FAM193A: variants seen among roughly 807,000 people sequenced by gnomAD.
FAM193A encodes the protein family with sequence similarity 193 member A.
Under a neutral mutation model 126.5 loss-of-function variants are expected in FAM193A, and 22 were observed. That is an observed-to-expected ratio of 0.17 (90% CI 0.12 to 0.25). The LOEUF (loss-of-function observed/expected upper bound fraction) is 0.25. Ranked by LOEUF, FAM193A falls within the 10% of genes least tolerant of loss-of-function variation. The pLI, the probability that FAM193A is intolerant of heterozygous loss-of-function variation, is 1.00. For missense variants in FAM193A, 1,675 were observed against 1,672.8 expected, an observed-to-expected ratio of 1.00 and a Z score of -0.02; for synonymous variants, 761 against 646.8, an observed-to-expected ratio of 1.18 and a Z score of -2.68.
chr4:2,719,232 C>T (rs1224467411), intron 20 of FAM193A, among the ~76,000 whole-genome samples: 2 of 152,072 alleles, frequency 1.3e-5, no homozygotes, highest in Non-Finnish European at 2.9e-5. Flanking sequence ...ATTGCTTGAA[C>T]CCAGGAGGCA....
intron 2 of FAM193A, among the ~76,000 whole-genome samples, chr4:2,619,810 C>T (rs1302140537): frequency 1.3e-5 from 2 of 152,212 alleles, no homozygotes. Flanking sequence ...CCTGCCTCAA[C>T]CTCTCGAGTG....
At chr4:2,675,590 G>A (rs1225217324) in intron 13 of FAM193A, among the ~76,000 whole-genome samples, 1 of 152,126 alleles carries the variant, frequency 6.6e-6, no homozygotes, top group Non-Finnish European at 1.5e-5. Context: ...GTTAGTGCTA[G>A]CATGGTATAT....
At position 2,690,945 on chromosome 4, in the gene FAM193A, G is replaced by A. The variant is rs533873250; in HGVS notation, c.2778G>A (p.Val926=). ...TVQSSNSQFR[V]SSKRPPSVGD... ...AGTCCAGCAACAGCCAGTTCAGAGTGTCATCCAAGAGACCTCCTTCAGTAG... is the reference window on the plus strand; with the variant it reads ...AGTCCAGCAACAGCCAGTTCAGAGTATCATCCAAGAGACCTCCTTCAGTAG... Residue 926 remains valine, a synonymous_variant, in exon 15 of 21, where the codon GTG becomes GTA. Transcript: ENST00000637812. 2.5e-6 allele frequency: 4 copies of A among 1,613,790 alleles called. No homozygotes were observed. In the African/African-American group the frequency reaches 5.3e-5, roughly 22 times the overall value.
intron 5 of FAM193A, among the ~76,000 whole-genome samples, chr4:2,637,249 C>G (rs757690590): frequency 7.2e-5 from 11 of 152,186 alleles, no homozygotes; most frequent in Non-Finnish European, 1.6e-4. Flanking sequence ...ATTGCTTGAG[C>G]CTGGGAGGCG....
At chr4:2,587,299 C>T (rs539480120) in intron 1 of FAM193A, among the ~76,000 whole-genome samples, 1 of 152,262 alleles carries the variant, frequency 6.6e-6, no homozygotes, top group South Asian at 2.1e-4. Flanking sequence ...ACAGCTAGCT[C>T]TCAGGGAACT....
intron 16 of FAM193A, 125 bp downstream of exon 16, chr4:2,693,999 A>G: frequency 9.9e-7 from 1 of 1,006,346 alleles, no homozygotes; most frequent in Non-Finnish European, 1.5e-6. Context: ...TGCCGAGGGA[A>G]TGCAGGGATG....
intron 1 of FAM193A, among the ~76,000 whole-genome samples, chr4:2,585,694 A>G (rs1033387447): frequency 1.4e-4 from 22 of 152,110 alleles, no homozygotes; most frequent in African/African-American, 5.3e-4. Flanking sequence ...GGGGAGGCCA[A>G]AGTGGGCGGA....
intron 1 of FAM193A, among the ~76,000 whole-genome samples, chr4:2,543,163 C>CTT (rs1417003864): frequency 6.6e-6 from 1 of 151,804 alleles, no homozygotes; most frequent in Admixed American, 6.6e-5. Context: ...TCTTGGCTCA[C>CTT]TGCAACCTCC....
chr4:2,541,203 G>T (rs1156610211), intron 1 of FAM193A, among the ~76,000 whole-genome samples: 1 of 151,562 alleles, frequency 6.6e-6, no homozygotes, highest in Non-Finnish European at 1.5e-5. Flanking sequence ...CTGGGAGGTG[G>T]AGATTGTCAT....
chr4:2,541,446 C>CTT (rs576194070), intron 1 of FAM193A, among the ~76,000 whole-genome samples: 50 of 137,858 alleles, frequency 3.6e-4, no homozygotes, highest in African/African-American at 8.5e-4. Flanking sequence ...TCATTGTGTA[C>CTT]TTTTTTTTTT....
chr4:2,612,506 C>CAAACAAACAA (rs1447733849), intron 2 of FAM193A, among the ~76,000 whole-genome samples: 4 of 151,988 alleles, frequency 2.6e-5, no homozygotes, highest in African/African-American at 4.8e-5. Context: ...CTCAAAACAA[C>CAAACAAACAA]AAACAAACAA....
Position 2,663,297 on chromosome 4 carries a change from T to C in FAM193A, c.2079+9T>C. On this transcript the variant is annotated intron_variant, in intron 12 of 20. Transcript: ENST00000637812. ...CCTACCCAACACAGCAGGTAGGACT[T>C]TGCTTGCTGTTTTGCCAAGGATCTC... is the stretch of plus-strand genomic sequence containing the variant. 2 of 1,544,430 alleles carry C rather than the reference T, an allele frequency of 1.3e-6. No individual in the cohort carries two copies. The highest frequency in any genetic ancestry group is 1.2e-5 in the South Asian group (1 of 82,378).
chr4:2,712,988 C>T (rs1719147461), intron 19 of FAM193A, among the ~76,000 whole-genome samples: 1 of 151,776 alleles, frequency 6.6e-6, no homozygotes, highest in South Asian at 2.1e-4. Flanking sequence ...ACCTGTAGTC[C>T]TAGCTACTTG....
intron 1 of FAM193A, among the ~76,000 whole-genome samples, chr4:2,549,848 C>T (rs930754826): frequency 1.3e-5 from 2 of 151,946 alleles, no homozygotes; most frequent in Non-Finnish European, 2.9e-5. Flanking sequence ...CTGCCTCACC[C>T]TCCCAAGTAG....
At chr4:2,547,902 G>A (rs2108813660) in intron 1 of FAM193A, among the ~76,000 whole-genome samples, 1 of 152,072 alleles carries the variant, frequency 6.6e-6, no homozygotes, top group South Asian at 2.1e-4. Context: ...TGGGGTTGCA[G>A]GCGTGAGCCA....
rs545071119 is a variant in FAM193A, at chr4:2,699,844, A to G, written c.3672A>G (p.Val1224=). Residue 1224 remains valine (V), a synonymous_variant, in exon 19 of 21, where the codon GTA becomes GTG. Coordinates refer to ENST00000637812, the MANE Select transcript of FAM193A (RefSeq NM_001366318.2). Reference sequence around the variant, plus strand: ...AGGAGCTTCAGAAGCTAAGAGCTGTAAAAAAGAAGAAGAAGGAGAGGCCAA... The same window carrying G: ...AGGAGCTTCAGAAGCTAAGAGCTGTGAAAAAGAAGAAGAAGGAGAGGCCAA... The part of the protein sequence containing the change: ...RLQELQKLRA[V]KKKKKERPSK... The G allele has an allele frequency of 3.1e-6, 5 of 1,613,950 alleles. No homozygotes were observed. The highest frequency in any genetic ancestry group is 1.1e-5 in the South Asian group (1 of 91,084).
At chr4:2,581,144 A>C (rs114070982) in intron 1 of FAM193A, among the ~76,000 whole-genome samples, 493 of 136,636 alleles carry the variant, frequency 3.6e-3, no homozygotes, top group Non-Finnish European at 5.9e-3. Flanking sequence ...ACAACAACAA[A>C]AAAAAAACCA....
intron 2 of FAM193A, among the ~76,000 whole-genome samples, chr4:2,616,342 C>G (rs1378851102): frequency 6.6e-6 from 1 of 152,116 alleles, no homozygotes; most frequent in African/African-American, 2.4e-5. Flanking sequence ...TGGAATATGG[C>G]TTCCCAACCT....
At chr4:2,603,520 G>A (rs1290715302) in intron 2 of FAM193A, among the ~76,000 whole-genome samples, 3 of 138,144 alleles carry the variant, frequency 2.2e-5, no homozygotes, top group Non-Finnish European at 3.1e-5. Flanking sequence ...GCAGTGGTGC[G>A]ATCTCGGCTC....
Sources: gnomAD v4.1 joint callset for allele counts (sites outside exome capture counted in the v4.1 genomes callset) on GRCh38, gnomAD v4.1.1 for gene constraint, MANE v1.5 for transcripts, NCBI Gene and HGNC (gene_info 2026-07-23, HGNC 2026-07-21) for gene names.